NICOL1: variants seen among roughly 807,000 people sequenced by gnomAD.
NICOL1 encodes NELL2-interacting cell ontogeny regulator 1.
the NICOL1 span, among the ~76,000 whole-genome samples, chr4:2,043,036 A>C: frequency 6.6e-6 from 1 of 151,452 alleles, no homozygotes; most frequent in East Asian, 1.9e-4. Flanking sequence ...TCTCCAGCAT[A>C]CTCTATTTCT....
the NICOL1 span, among the ~76,000 whole-genome samples, chr4:2,043,235 G>C: frequency 1.3e-5 from 2 of 152,166 alleles, no homozygotes; most frequent in African/African-American, 2.4e-5. Context: ...GGAATGGGGG[G>C]TCAGGCTGGG....
chr4:2,036,980 CTCT>C, the NICOL1 span, among the ~76,000 whole-genome samples: 8 of 152,044 alleles, frequency 5.3e-5, no homozygotes, highest in African/African-American at 1.9e-4. Flanking sequence ...TCGTGTGGAG[CTCT>C]GATCCCCAGT....
the NICOL1 span, chr4:2,041,863 C>T: frequency 1.0e-6 from 1 of 991,100 alleles, no homozygotes; most frequent in Non-Finnish European, 1.4e-6. Context: ...CCGGGGGCAG[C>T]CCCCGGCCAG....
the NICOL1 span, chr4:2,041,679 G>C: frequency 3.2e-6 from 1 of 316,096 alleles, no homozygotes; most frequent in Non-Finnish European, 5.8e-6. Flanking sequence ...CCCGCGCCTC[G>C]CGAGCATCGA....
the NICOL1 span, among the ~76,000 whole-genome samples, chr4:2,039,156 G>A: frequency 6.6e-6 from 1 of 152,106 alleles, no homozygotes; most frequent in African/African-American, 2.4e-5. Context: ...GCTCATGCCT[G>A]TAGTCCCAGT....
the NICOL1 span, among the ~76,000 whole-genome samples, chr4:2,036,586 C>G: frequency 2.0e-5 from 3 of 152,148 alleles, no homozygotes; most frequent in African/African-American, 4.8e-5. Context: ...TTGACGGAAG[C>G]TGAAGACAGA....
the NICOL1 span, among the ~76,000 whole-genome samples, chr4:2,040,639 C>A: frequency 5.9e-5 from 9 of 152,284 alleles, no homozygotes; most frequent in South Asian, 1.2e-3. Flanking sequence ...CGGAAGTGCG[C>A]ACTAGCCCGA....
the NICOL1 span, among the ~76,000 whole-genome samples, chr4:2,039,611 G>A: frequency 6.6e-6 from 1 of 152,118 alleles, no homozygotes; most frequent in Admixed American, 6.5e-5. Flanking sequence ...GAGGCAGGTG[G>A]ATCACTTGGG....
chr4:2,040,699 G>T, the NICOL1 span, among the ~76,000 whole-genome samples: 1 of 152,206 alleles, frequency 6.6e-6, no homozygotes, highest in African/African-American at 2.4e-5. Context: ...GCGGCCCGCA[G>T]CCCCCACCCG....
chr4:2,043,065 C>T, the NICOL1 span, among the ~76,000 whole-genome samples: 1 of 152,218 alleles, frequency 6.6e-6, no homozygotes, highest in Non-Finnish European at 1.5e-5. Context: ...CCCCAGAAGG[C>T]TCTCACTGGG....
chr4:2,042,854 G>A, the NICOL1 span: 3 of 1,427,280 alleles, frequency 2.1e-6, no homozygotes, highest in African/African-American at 4.4e-5. Flanking sequence ...CGGTCCTCCC[G>A]GGCTTCCCAG....
the NICOL1 span, among the ~76,000 whole-genome samples, chr4:2,039,075 G>A: frequency 6.6e-6 from 1 of 152,118 alleles, no homozygotes; most frequent in Non-Finnish European, 1.5e-5. Flanking sequence ...GGTGAGCGTT[G>A]TGCTTGTCCT....
chr4:2,043,747 G>T, the NICOL1 span: 1 of 807,188 alleles, frequency 1.2e-6, no homozygotes, highest in South Asian at 1.8e-5. Flanking sequence ...GCCAGGGCCT[G>T]ACCTTGTCTG....
At chr4:2,039,130 A>G in the NICOL1 span, among the ~76,000 whole-genome samples, 8 of 152,168 alleles carry the variant, frequency 5.3e-5, no homozygotes, top group Admixed American at 5.2e-4. Flanking sequence ...AGAATACATT[A>G]TGGCTGAACT....
At chr4:2,038,260 T>C in the NICOL1 span, among the ~76,000 whole-genome samples, 1 of 68,530 alleles carries the variant, frequency 1.5e-5, no homozygotes, top group South Asian at 4.2e-4. Flanking sequence ...TATATATATA[T>C]ATATATATAT....
chr4:2,041,037 C>T, the NICOL1 span, among the ~76,000 whole-genome samples: 1 of 151,746 alleles, frequency 6.6e-6, no homozygotes, highest in African/African-American at 2.4e-5. Flanking sequence ...TCCTGCACGG[C>T]GAGCGGGGCG....
chr4:2,043,202 C>T, the NICOL1 span, among the ~76,000 whole-genome samples: 22 of 152,070 alleles, frequency 1.4e-4, no homozygotes, highest in Non-Finnish European at 2.5e-4. Context: ...AAACTGAGGC[C>T]GGAGGATGTG....
the NICOL1 span, among the ~76,000 whole-genome samples, chr4:2,039,427 AAAC>A: frequency 6.6e-6 from 1 of 152,164 alleles, no homozygotes; most frequent in African/African-American, 2.4e-5. Context: ...AAAAAACAAA[AAAC>A]AAAAAAAAAT....
chr4:2,037,838 C>G, the NICOL1 span, among the ~76,000 whole-genome samples: 1 of 151,488 alleles, frequency 6.6e-6, no homozygotes. Context: ...TCCTAAATTT[C>G]ATAAAAGACT....
Sources: gnomAD v4.1 joint callset for allele counts (sites outside exome capture counted in the v4.1 genomes callset) on GRCh38, gnomAD v4.1.1 for gene constraint, MANE v1.5 for transcripts, NCBI Gene and HGNC (gene_info 2026-07-23, HGNC 2026-07-21) for gene names.